The following EPB41L4B variants were observed in gnomAD, a reference collection of about 807,000 sequenced individuals.
EPB41L4B encodes erythrocyte membrane protein band 4.1 like 4B, also known as band 4.1-like protein 4B.
A neutral mutation model predicts 112.5 loss-of-function variants in EPB41L4B; 30 were observed. The ratio of observed to expected loss-of-function variants is 0.27; its 90% CI spans 0.20 to 0.36. The LOEUF (loss-of-function observed/expected upper bound fraction) is 0.36, where lower values mean the gene tolerates loss of function less well. Ranked by LOEUF, EPB41L4B falls within the 10% of genes least tolerant of loss-of-function variation. The pLI is 1.00. For synonymous variants in EPB41L4B, 408 were observed against 439.7 expected (o/e 0.93, Z 0.90); for missense variants, 1,024 against 1,133.3 (o/e 0.90, Z 1.38).
chr9:109,252,366 C>T (rs1401065262), intron 12 of EPB41L4B, among the ~76,000 whole-genome samples: 1 of 152,218 alleles, frequency 6.6e-6, no homozygotes, highest in African/African-American at 2.4e-5. Flanking sequence ...TGGCCCCTTC[C>T]TCCCGGGCGC....
intron 17 of EPB41L4B, among the ~76,000 whole-genome samples, chr9:109,212,085 C>T (rs969197583): frequency 6.6e-6 from 1 of 152,072 alleles, no homozygotes; most frequent in African/African-American, 2.4e-5. Context: ...TGCTCGATAA[C>T]CCACAGGTGT....
At chr9:109,297,942 G>C (rs577872379) in intron 1 of EPB41L4B, among the ~76,000 whole-genome samples, 3 of 152,222 alleles carry the variant, frequency 2.0e-5, no homozygotes, top group African/African-American at 7.2e-5. Context: ...TTGGCTGTTA[G>C]GGTCATAAAA....
At chr9:109,190,165 C>T (rs1832411654) in intron 22 of EPB41L4B, among the ~76,000 whole-genome samples, 1 of 152,118 alleles carries the variant, frequency 6.6e-6, no homozygotes, top group Non-Finnish European at 1.5e-5. Flanking sequence ...ATCTCCAGTT[C>T]CCTGTTGGTC....
chr9:109,315,674 G>A (rs965920055), intron 1 of EPB41L4B, among the ~76,000 whole-genome samples: 1 of 152,068 alleles, frequency 6.6e-6, no homozygotes, highest in Non-Finnish European at 1.5e-5. Context: ...TTCTCCAATG[G>A]GCCGGGGAGG....
intron 15 of EPB41L4B, among the ~76,000 whole-genome samples, chr9:109,232,244 GGCCTCCCAAA>G (rs1456807175): frequency 3.3e-5 from 5 of 151,756 alleles, no homozygotes; most frequent in African/African-American, 1.2e-4. Context: ...TGCCCACCTT[GGCCTCCCAAA>G]GTTTTGGTAT....
intron 16 of EPB41L4B, 119 bp downstream of exon 16, chr9:109,216,803 A>G (rs1833386390): frequency 9.6e-7 from 1 of 1,042,330 alleles, no homozygotes; most frequent in African/African-American, 1.6e-5. Flanking sequence ...GTAGCCCAGC[A>G]TAACATGACA....
intron 18 of EPB41L4B, 105 bp from the exon 19 acceptor site, chr9:109,203,835 C>A: frequency 1.1e-6 from 1 of 871,082 alleles, no homozygotes; most frequent in Middle Eastern, 2.2e-4. Context: ...GGCAAGTGGA[C>A]CAAAGAGGTA....
chr9:109,226,039 C>T (rs963050713), intron 15 of EPB41L4B, among the ~76,000 whole-genome samples: 1 of 152,178 alleles, frequency 6.6e-6, no homozygotes, highest in African/African-American at 2.4e-5. Context: ...GTTCTAAGAT[C>T]ACCCAAAGAA....
intron 22 of EPB41L4B, among the ~76,000 whole-genome samples, chr9:109,186,031 G>C (rs1161973065): frequency 6.6e-6 from 1 of 152,066 alleles, no homozygotes; most frequent in Non-Finnish European, 1.5e-5. Context: ...GTGAGCCATG[G>C]AGGAAGTGAG....
At chr9:109,262,154 G>T (rs1835226781) in intron 6 of EPB41L4B, among the ~76,000 whole-genome samples, 1 of 152,108 alleles carries the variant, frequency 6.6e-6, no homozygotes, top group Admixed American at 6.6e-5. Context: ...TTACCATCCA[G>T]TTCCCACTCA....
chr9:109,299,467 G>A (rs1055211192), intron 1 of EPB41L4B, among the ~76,000 whole-genome samples: 3 of 152,018 alleles, frequency 2.0e-5, no homozygotes, highest in Admixed American at 2.0e-4. Context: ...TGTTGAGATG[G>A]TGGGGCGGGT....
chr9:109,234,125 G>T (rs1834055824), intron 15 of EPB41L4B, among the ~76,000 whole-genome samples: 1 of 151,540 alleles, frequency 6.6e-6, no homozygotes, highest in African/African-American at 2.4e-5. Flanking sequence ...GCTAGCAAAG[G>T]CTATGATTTG....
chr9:109,240,886 C>T (rs1834332391), intron 15 of EPB41L4B: 15 of 985,288 alleles, frequency 1.5e-5, no homozygotes, highest in African/African-American at 1.7e-5. Context: ...AAATTATTCC[C>T]ATACTTGAGC....
chr9:109,320,499 C>G lies in EPB41L4B; in HGVS notation c.-53G>C. ...CCCCCTGCGCTGCCGCTGCCGCTGC[C>G]GCTGCCGCTGCGCCGCCGCCCGGGA... On this transcript the variant is annotated 5_prime_UTR_variant, in exon 1 of 26. Coordinates refer to ENST00000374566, the MANE Select transcript of EPB41L4B (RefSeq NM_019114.5). 1.2e-6 allele frequency: 1 copy of G among 823,796 alleles called. No individual in the cohort carries two copies. Among genetic ancestry groups the G allele is most frequent in the Non-Finnish European group, 1.5e-6 (1 of 682,520 alleles). The allele number at this position is 823,796 out of a possible 1,614,324, so 51.0% of individuals were successfully genotyped here.
intron 1 of EPB41L4B, among the ~76,000 whole-genome samples, chr9:109,308,304 G>A (rs1414044726): frequency 6.6e-6 from 1 of 152,106 alleles, no homozygotes; most frequent in East Asian, 1.9e-4. Context: ...ACTGATCTCT[G>A]TGTGCTCTGA....
At chr9:109,319,797 G>T (rs940190816) in intron 1 of EPB41L4B, among the ~76,000 whole-genome samples, 1 of 152,144 alleles carries the variant, frequency 6.6e-6, no homozygotes, top group African/African-American at 2.4e-5. Context: ...GGACGGAAGG[G>T]GAGCGCCGGC....
At chr9:109,190,128 G>A (rs1832410394) in intron 22 of EPB41L4B, among the ~76,000 whole-genome samples, 1 of 152,104 alleles carries the variant, frequency 6.6e-6, no homozygotes, top group Non-Finnish European at 1.5e-5. Flanking sequence ...ATAGTGTCTT[G>A]GTGGAACGTT....
chr9:109,288,754 A>AAAAAAAAAAAAAAAAAAAAAAAAAAAAC (rs71372560), intron 1 of EPB41L4B, among the ~76,000 whole-genome samples: 1 of 139,030 alleles, frequency 7.2e-6, no homozygotes, highest in Non-Finnish European at 1.6e-5. Context: ...AAAAAAAAAA[A>AAAAAAAAAAAAAAAAAAAAAAAAAAAAC]GCTGGGTGTG....
intron 2 of EPB41L4B, among the ~76,000 whole-genome samples, chr9:109,271,998 TA>T (rs1835640857): frequency 6.6e-6 from 1 of 152,200 alleles, no homozygotes; most frequent in East Asian, 1.9e-4. Context: ...TTTAATCATC[TA>T]AAATCTACAT....
Sources: allele counts gnomAD v4.1 joint callset (sites outside exome capture counted in the v4.1 genomes callset), GRCh38; gene constraint gnomAD v4.1.1; transcripts MANE v1.5; gene names NCBI Gene and HGNC (gene_info 2026-07-23, HGNC 2026-07-21).